The following MYO1E variants were observed in gnomAD, a reference collection of about 807,000 sequenced individuals.
MYO1E encodes myosin IE, also known as unconventional myosin-Ie.
MYO1E carries 68 observed loss-of-function variants against 151.1 expected under a neutral mutation model. The ratio of observed to expected loss-of-function variants is 0.45; its 90% CI spans 0.37 to 0.55. The LOEUF (loss-of-function observed/expected upper bound fraction) is 0.55, where lower values mean the gene tolerates loss of function less well. Ranked by LOEUF, MYO1E falls within the 20% of genes least tolerant of loss-of-function variation. MYO1E has a pLI of 0.00. For missense variants in MYO1E, 1,363 were observed against 1,389.3 expected (o/e 0.98, Z 0.30); for synonymous variants, 601 against 501.7 (o/e 1.20, Z -2.64).
chr15:59,292,416 C>A (rs972807628), intron 1 of MYO1E, among the ~76,000 whole-genome samples: 2 of 152,204 alleles, frequency 1.3e-5, no homozygotes, highest in East Asian at 3.8e-4. Flanking sequence ...CTACGACTGG[C>A]AGGCATATGA....
intron 1 of MYO1E, among the ~76,000 whole-genome samples, chr15:59,285,350 CTTTTTTTTTTTT>C (rs368001329): frequency 6.8e-5 from 5 of 74,056 alleles, no homozygotes; most frequent in African/African-American, 2.6e-4. Context: ...GACACTGTCT[CTTTTTTTTTTTT>C]TTTTTTTTTT....
At chr15:59,260,033 T>C (rs1021694215) in intron 3 of MYO1E, among the ~76,000 whole-genome samples, 24 of 152,198 alleles carry the variant, frequency 1.6e-4, no homozygotes, top group African/African-American at 4.6e-4. Flanking sequence ...TAAATACCAG[T>C]TTTACAATAA....
chr15:59,177,962 CAACT>C (rs1439138598), intron 19 of MYO1E, among the ~76,000 whole-genome samples: 2 of 152,220 alleles, frequency 1.3e-5, no homozygotes, highest in African/African-American at 4.8e-5. Flanking sequence ...GACTTGGTGT[CAACT>C]AACCATGGGT....
chr15:59,137,836 T>C (rs529191897), intron 27 of MYO1E, among the ~76,000 whole-genome samples: 1 of 152,334 alleles, frequency 6.6e-6, no homozygotes, highest in African/African-American at 2.4e-5. Context: ...GATGGACACA[T>C]GGCTAATTTG....
At chr15:59,253,901 C>CT (rs34819314) in intron 4 of MYO1E, among the ~76,000 whole-genome samples, 101,491 of 135,866 alleles carry the variant, frequency 0.75, 38,425 homozygotes, top group Non-Finnish European at 0.79. Flanking sequence ...GACAAACAAC[C>CT]TTTTTTTTTT....
intron 1 of MYO1E, among the ~76,000 whole-genome samples, chr15:59,282,674 C>A (rs1273396820): frequency 1.3e-4 from 20 of 149,238 alleles, no homozygotes; most frequent in African/African-American, 4.7e-4. Context: ...AGCGAGACCC[C>A]ATCTCTACAC....
At chr15:59,341,753 T>C (rs2080767042) in intron 1 of MYO1E, among the ~76,000 whole-genome samples, 1 of 152,200 alleles carries the variant, frequency 6.6e-6, no homozygotes, top group Admixed American at 6.5e-5. Context: ...TGATGAATGA[T>C]TTCATTCATC....
chr15:59,338,700 T>C (rs1230249016), intron 1 of MYO1E, among the ~76,000 whole-genome samples: 1 of 152,086 alleles, frequency 6.6e-6, no homozygotes, highest in Non-Finnish European at 1.5e-5. Flanking sequence ...GCAAGGTCCT[T>C]GAAAACCCAT....
At chr15:59,281,344 T>G (rs1307476755) in intron 1 of MYO1E, among the ~76,000 whole-genome samples, 1 of 151,816 alleles carries the variant, frequency 6.6e-6, no homozygotes, top group Admixed American at 6.6e-5. Flanking sequence ...GGCATGATCT[T>G]GGCTCACTGC....
In MYO1E at chr15:59,173,755, C is replaced by T; in HGVS notation, c.2325G>A (p.Arg775=). 2.5e-6 allele frequency: 4 copies of T among 1,614,172 alleles called. No individual in the cohort carries two copies. The highest frequency in any genetic ancestry group is 3.4e-6 in the Non-Finnish European group (4 of 1,180,016). ...GGCAGTTAGCACGTACCTTGAACCT[C>T]CTGTCATACTTGGTGACTGTGTCTG... ...DFADTVTKYD[R]RFKGVKRDLL... is the part of the protein sequence containing the mutation. Residue 775 remains arginine, a synonymous_variant, in exon 21 of 28, where the codon AGG becomes AGA. Coordinates refer to ENST00000288235, the MANE Select transcript of MYO1E (RefSeq NM_004998.4).
intron 26 of MYO1E, among the ~76,000 whole-genome samples, chr15:59,140,038 A>G (rs1172370824): frequency 2.0e-5 from 3 of 151,590 alleles, no homozygotes; most frequent in Admixed American, 6.6e-5. Flanking sequence ...CATCTGCACT[A>G]CTGACATTTG....
At chr15:59,214,464 T>A in intron 11 of MYO1E, 150 bp from the exon 12 acceptor site, 2 of 907,248 alleles carry the variant, frequency 2.2e-6, no homozygotes, top group South Asian at 1.4e-5. Context: ...TAGGAGAAAC[T>A]AATTTGGTAA....
chr15:59,198,754 G>C (rs1285989803), intron 16 of MYO1E, among the ~76,000 whole-genome samples: 1 of 151,976 alleles, frequency 6.6e-6, no homozygotes, highest in Non-Finnish European at 1.5e-5. Context: ...GGGAGGCAGA[G>C]GTTGCAGTGA....
At chr15:59,253,901 C>CTTTTTTTTTT (rs34819314) in intron 4 of MYO1E, among the ~76,000 whole-genome samples, 18 of 135,822 alleles carry the variant, frequency 1.3e-4, no homozygotes, top group Non-Finnish European at 2.2e-4. Flanking sequence ...GACAAACAAC[C>CTTTTTTTTTT]TTTTTTTTTT....
At chr15:59,163,697 A>AAGTT (rs2079549977) in intron 22 of MYO1E, among the ~76,000 whole-genome samples, 1 of 152,228 alleles carries the variant, frequency 6.6e-6, no homozygotes. Flanking sequence ...TTTAAGTTCC[A>AAGTT]AGTTAGTATA....
chr15:59,350,606 C>G lies in MYO1E; in HGVS notation c.3+21892G>C, dbSNP rs1325169835. The stretch of plus-strand genomic sequence containing the variant: ...GAACTGCCAGATAACCAGGGAATGT[C>G]GAGAGTGTACAGGAATGTGGGAAGG... On this transcript the variant is annotated intron_variant, in intron 1 of 27. Transcript: ENST00000288235. This position sits in a 1 kb window ranked among gnomAD's most constrained non-coding sequence, Gnocchi z 5.0. Among the ~76,000 whole-genome samples the G allele has an allele frequency of 6.6e-6, 1 of 151,938 alleles. No individual in the cohort carries two copies. Among genetic ancestry groups the G allele is most frequent in the African/African-American group, 2.4e-5 (1 of 41,340 alleles).
At chr15:59,354,901 T>C (rs2080845295) in intron 1 of MYO1E, among the ~76,000 whole-genome samples, 1 of 152,186 alleles carries the variant, frequency 6.6e-6, no homozygotes, top group African/African-American at 2.4e-5. Context: ...GAACCACTAA[T>C]ATCCTGTTCT....
intron 1 of MYO1E, among the ~76,000 whole-genome samples, chr15:59,310,726 TA>T (rs1437727226): frequency 1.3e-5 from 2 of 152,062 alleles, no homozygotes; most frequent in African/African-American, 4.8e-5. Flanking sequence ...TGAATTATAG[TA>T]TCTAAAGAAA....
At position 59,194,539 on chromosome 15, in the gene MYO1E, T is replaced by G. The variant is rs12593888; in HGVS notation, c.1805+922A>C. On this transcript the variant is annotated intron_variant, in intron 17 of 27. Coordinates refer to ENST00000288235, the MANE Select transcript of MYO1E (RefSeq NM_004998.4). ...CTTCCTGTGGAAGCTAAACCTGGAG[T>G]TCTTCACTCGACACCTAAAAGAGCC... 3.3e-5 allele frequency among the ~76,000 whole-genome samples: 5 copies of G among 152,176 alleles called. No homozygotes were observed. The East Asian group carries it at 7.7e-4, about 24-fold the overall frequency.
Sources: gnomAD v4.1 joint callset for allele counts (sites outside exome capture counted in the v4.1 genomes callset) on GRCh38, gnomAD v4.1.1 for gene constraint, Gnocchi (gnomAD v3.1) non-coding constraint, MANE v1.5 for transcripts, NCBI Gene and HGNC (gene_info 2026-07-23, HGNC 2026-07-21) for gene names.